Variants in BTBD18 observed in about 807,000 individuals in gnomAD.
BTBD18 encodes BTB/POZ domain-containing protein 18.
For synonymous variants in BTBD18, 311 were observed against 324.4 expected, an observed-to-expected ratio of 0.96 and a Z score of 0.44; for missense variants, 787 against 846.3, an observed-to-expected ratio of 0.93 and a Z score of 0.87.
At chr11:57,747,985 A>G (rs1268785460) in intron 2 of BTBD18, among the ~76,000 whole-genome samples, 2 of 152,208 alleles carry the variant, frequency 1.3e-5, no homozygotes, top group Non-Finnish European at 2.9e-5. Flanking sequence ...ATTTTTTAAT[A>G]GAAACAGGGT....
rs1949136781 is a variant in BTBD18 at position 57,743,657 on chromosome 11, GC to G, written c.*476del. ...ACTTCCTAATACTGGCAGTGAATAA[GC>G]CCCACGTTGGGTGCTGGACAGCATC... On this transcript the variant is annotated 3_prime_UTR_variant, in exon 3 of 3. Coordinates refer to ENST00000422652, the MANE Select transcript of BTBD18 (RefSeq NM_001145101.3). 6.5e-6 allele frequency: 1 copy of G among 153,908 alleles called. No individual in the cohort carries two copies. Among genetic ancestry groups the G allele is most frequent in the African/African-American group, 2.4e-5 (1 of 41,466 alleles). The allele number at this position is 153,908 out of a possible 1,614,324, so 9.5% of individuals were successfully genotyped here.
At chr11:57,752,030 C>A (rs536331662), upstream of BTBD18, among the ~76,000 whole-genome samples, 76 of 152,240 alleles carry the variant, frequency 5.0e-4, no homozygotes, top group Admixed American at 1.2e-3. Flanking sequence ...GCTAACAATG[C>A]AGCAAGGATA....
At chr11:57,750,138 G>A (rs773178782) in intron 2 of BTBD18, among the ~76,000 whole-genome samples, 3 of 150,648 alleles carry the variant, frequency 2.0e-5, no homozygotes, top group Non-Finnish European at 3.0e-5. Flanking sequence ...AGCACTTTGG[G>A]AGGCTGAGGC....
chr11:57,746,968 G>T (rs1302962779), intron 2 of BTBD18, among the ~76,000 whole-genome samples: 1 of 152,196 alleles, frequency 6.6e-6, no homozygotes, highest in Non-Finnish European at 1.5e-5. Flanking sequence ...GACCACGTCT[G>T]TCTTTCTCAC....
chr11:57,744,019 C>G lies in BTBD18; in HGVS notation c.*115G>C. ...AGGGAGGAAGGGACCTACAAAGAGC[C>G]AGGGTACACCTGCCTCTTGTGCTGA... is the stretch of plus-strand genomic sequence containing the variant. On this transcript the variant is annotated 3_prime_UTR_variant, in exon 3 of 3. Coordinates refer to ENST00000422652, the MANE Select transcript of BTBD18 (RefSeq NM_001145101.3). 1 of 732,592 alleles carries G rather than the reference C, an allele frequency of 1.4e-6. No individual in the cohort carries two copies. Among genetic ancestry groups the G allele is most frequent in the East Asian group, 2.7e-5 (1 of 36,700 alleles). 45.4% of individuals were successfully genotyped at this position (732,592 alleles called of 1,614,324 possible).
chr11:57,744,747 G>A lies in BTBD18; in HGVS notation c.1526C>T (p.Pro509Leu), dbSNP rs1408353978. 13 of 1,551,710 alleles carry A rather than the reference G, an allele frequency of 8.4e-6. No individual in the cohort carries two copies. The highest frequency in any genetic ancestry group is 1.0e-5 in the Non-Finnish European group (12 of 1,147,002). Residue 509 changes from proline (P) to leucine (L), a missense_variant, in exon 3 of 3, where the codon CCA becomes CTA. By Grantham distance (98) the Pro-to-Leu change is moderately conservative. Transcript: ENST00000422652. ...DFMLCGSDIEPPIGSLESPGA... is the reference protein window; with the variant it reads ...DFMLCGSDIELPIGSLESPGA... ...TGGACTCTCCAGAGACCCTATAGGT[G>A]GTTCAATGTCTGAGCCACAGAGCAT...
At chr11:57,747,705 G>A (rs1171517270) in intron 2 of BTBD18, among the ~76,000 whole-genome samples, 1 of 151,918 alleles carries the variant, frequency 6.6e-6, no homozygotes, top group Non-Finnish European at 1.5e-5. Flanking sequence ...CACCATGTTG[G>A]CCAGGCTGAT....
chr11:57,743,851 C>A lies in BTBD18; in HGVS notation c.*283G>T, dbSNP rs1949139005. ...CTGAGAGATCTGGCCTTGGCTGTTA[C>A]CTATGACCCACCAGAATTGGGGAGC... On this transcript the variant is annotated 3_prime_UTR_variant, in exon 3 of 3. Coordinates refer to ENST00000422652, the MANE Select transcript of BTBD18 (RefSeq NM_001145101.3). The A allele has an allele frequency of 3.1e-6, 1 of 321,170 alleles. No homozygotes were observed. The highest frequency in any genetic ancestry group is 2.1e-5 in the African/African-American group (1 of 47,380). 19.9% of individuals were successfully genotyped at this position (321,170 alleles called of 1,614,324 possible). A position where few individuals can be genotyped will look rare whatever the true frequency, so the allele number is the denominator to read the frequency against.
In BTBD18 at chr11:57,743,932, C is replaced by A; in HGVS notation, c.*202G>T. 1 of 521,566 alleles carries A rather than the reference C, an allele frequency of 1.9e-6. No homozygotes were observed. The highest frequency in any genetic ancestry group is 3.0e-5 in the East Asian group (1 of 33,132). The allele number at this position is 521,566 out of a possible 1,614,324, so 32.3% of individuals were successfully genotyped here. On this transcript the variant is annotated 3_prime_UTR_variant, in exon 3 of 3. Transcript: ENST00000422652. ...AAAATAGATTACAAATAAGATGGTA[C>A]AAGTTCATAATTTTCTATCTATGGT... is the stretch of plus-strand genomic sequence containing the variant.
In BTBD18 at chr11:57,744,616, C is replaced by A; in HGVS notation, c.1657G>T (p.Glu553Ter). 6.4e-7 allele frequency: 1 copy of A among 1,551,666 alleles called. No individual in the cohort carries two copies. Among genetic ancestry groups the A allele is most frequent in the Non-Finnish European group, 8.7e-7 (1 of 1,146,994 alleles). ...CLPDMELWPR[E>*]LTELEKEPAG... ...GGTTCCTTTTCCAATTCTGTGAGCT[C>A]CCTGGGCCAGAGTTCCATGTCTGGT... The change falls in exon 3 of 3, where the codon GAG becomes TAG. Residue 553 changes from glutamate to a stop codon, truncating the protein, a stop_gained. Coordinates refer to ENST00000422652, the MANE Select transcript of BTBD18 (RefSeq NM_001145101.3). LOFTEE classifies it low-confidence loss of function (END_TRUNC).
rs1191294922 is a variant in BTBD18, at chr11:57,746,068, C to T, written c.205G>A (p.Ala69Thr). 1 of 1,551,698 alleles carries T rather than the reference C, an allele frequency of 6.4e-7. No homozygotes were observed. Among genetic ancestry groups the T allele is most frequent in the Admixed American group, 2.0e-5 (1 of 51,012 alleles). The part of the protein sequence containing the change: ...FTERLERERP[A>T]QGGKVVLELG... ...TCTAGCACCACCTTCCCACCCTGAG[C>T]TGGCCTCTCCCGCTCCAGGCGCTCT... Residue 69 changes from alanine to threonine, a missense_variant, in exon 3 of 3, where the codon GCT (alanine) becomes ACT (threonine). Transcript: ENST00000422652.
upstream of BTBD18, among the ~76,000 whole-genome samples, chr11:57,752,468 A>G (rs1473468325): frequency 6.6e-6 from 1 of 151,210 alleles, no homozygotes; most frequent in Non-Finnish European, 1.5e-5. Context: ...TGGGAGGCAG[A>G]GGTTGTAGAT....
chr11:57,752,261 G>A (rs1949326313), upstream of BTBD18, among the ~76,000 whole-genome samples: 1 of 152,206 alleles, frequency 6.6e-6, no homozygotes, highest in African/African-American at 2.4e-5. Flanking sequence ...TTGGCTGGGC[G>A]GGGTGGCTCA....
Position 57,745,660 on chromosome 11 carries a change from G to A in BTBD18, c.613C>T (p.Leu205Phe), listed in dbSNP as rs2135690548. The change falls in exon 3 of 3, where the codon CTT becomes TTT. Residue 205 changes from leucine (L) to phenylalanine (F), a missense_variant. By Grantham distance (22) the Leu-to-Phe change is conservative (BLOSUM62 0). Coordinates refer to ENST00000422652, the MANE Select transcript of BTBD18 (RefSeq NM_001145101.3). ...RQNADNLSGT[L>F]LLKRKARACP... ...GCTCTGGCCTTCCTCTTGAGCAGAA[G>A]AGTGCCAGACAAATTGTCTGCATTC... is the stretch of plus-strand genomic sequence containing the variant. The A allele has an allele frequency of 6.4e-7, 1 of 1,551,658 alleles. No homozygotes were observed. Among genetic ancestry groups the A allele is most frequent in the East Asian group, 2.4e-5 (1 of 40,910 alleles).
rs1949153091 is a variant in BTBD18 at position 57,744,568 on chromosome 11, T to C, written c.1705A>G (p.Thr569Ala). 1.9e-6 allele frequency: 3 copies of C among 1,551,712 alleles called. No individual in the cohort carries two copies. The highest frequency in any genetic ancestry group is 1.2e-5 in the South Asian group (1 of 84,062). ...ATGACAAGGGGGCTAAGGAGCTCAG[T>C]TGGCCCTCTGTTCTCACCAGCAGGT... ...KEPAGENRGP[T>A]ELLSPLVMPS... Residue 569 changes from threonine to alanine, a missense_variant, in exon 3 of 3, where the codon ACT (threonine) becomes GCT (alanine). Thr to Ala is a moderately conservative substitution (Grantham distance 58, BLOSUM62 0). Coordinates refer to ENST00000422652, the MANE Select transcript of BTBD18 (RefSeq NM_001145101.3).
chr11:57,745,225 CAG>C lies in BTBD18; in HGVS notation c.1046_1047del (p.Ser349CysfsTer10), dbSNP rs1218036479. 1.3e-6 allele frequency: 2 copies of C among 1,551,556 alleles called. No individual in the cohort carries two copies. The highest frequency in any genetic ancestry group is 1.7e-6 in the Non-Finnish European group (2 of 1,146,980). ...ACTCTCCCAACCTGCCCCTCCTCTG[CAG>C]AGTCTGAGTTAGGTGCCCTGACTTC... is the stretch of plus-strand genomic sequence containing the variant. ...SPEVRAPNSD[S>X]AEEGQVGRVK... is the part of the protein sequence containing the mutation. On this transcript the variant is annotated frameshift_variant, in exon 3 of 3. Transcript: ENST00000422652. LOFTEE classifies it low-confidence loss of function (END_TRUNC).
chr11:57,745,794 C>T lies in BTBD18; in HGVS notation c.479G>A (p.Ser160Asn). Residue 160 changes from serine to asparagine, a missense_variant, in exon 3 of 3, where the codon AGC becomes AAC. By Grantham distance (46) the Ser-to-Asn change is conservative. Transcript: ENST00000422652. The part of the protein sequence containing the change: ...APISARVVTP[S>N]HHPHTPLPTN... ...GGGCAGTGGGGTGTGAGGGTGGTGGCTGGGTGTCACCACTCTGGCAGAGAT... is the reference window on the plus strand; with the variant it reads ...GGGCAGTGGGGTGTGAGGGTGGTGGTTGGGTGTCACCACTCTGGCAGAGAT... 6.4e-7 allele frequency: 1 copy of T among 1,551,546 alleles called. No homozygotes were observed. The highest frequency in any genetic ancestry group is 8.7e-7 in the Non-Finnish European group (1 of 1,146,944).
chr11:57,752,169 CAGGT>C (rs1949324931), upstream of BTBD18, among the ~76,000 whole-genome samples: 2 of 152,158 alleles, frequency 1.3e-5, no homozygotes, highest in Non-Finnish European at 2.9e-5. Flanking sequence ...AGTTTTCTAT[CAGGT>C]AGCACTGAGG....
At chr11:57,752,390 C>T (rs993733395), upstream of BTBD18, among the ~76,000 whole-genome samples, 5 of 152,134 alleles carry the variant, frequency 3.3e-5, no homozygotes, top group Admixed American at 2.6e-4. Flanking sequence ...GAAAATTAGC[C>T]GGGCATGGTG....
Sources: allele counts gnomAD v4.1 joint callset (sites outside exome capture counted in the v4.1 genomes callset), GRCh38; gene constraint gnomAD v4.1.1; transcripts MANE v1.5; gene names NCBI Gene and HGNC (gene_info 2026-07-23, HGNC 2026-07-21).